Variants in POTEJ observed in about 807,000 individuals in gnomAD.
The protein encoded by POTEJ is POTE ankyrin domain family, member J.
POTEJ carries 11 observed loss-of-function variants against 69.0 expected under a neutral mutation model. The observed-to-expected ratio is 0.16, with a 90% CI of 0.10 to 0.26. POTEJ has a LOEUF of 0.26. Among genes scored for constraint, POTEJ ranks in the 10% least tolerant of loss-of-function variants. The pLI, the probability that POTEJ is intolerant of heterozygous loss-of-function variation, is 1.00. For synonymous variants in POTEJ, 117 were observed against 381.1 expected (o/e 0.31, Z 8.07); for missense variants, 327 against 1,045.5 (o/e 0.31, Z 9.48).
intron 6 of POTEJ, among the ~76,000 whole-genome samples, chr2:130,626,971 A>G (rs1231264585): frequency 6.6e-6 from 1 of 152,180 alleles, no homozygotes; most frequent in Admixed American, 6.5e-5. Flanking sequence ...GGGAATATAA[A>G]GCAGAGGCAG....
intron 9 of POTEJ, among the ~76,000 whole-genome samples, chr2:130,638,371 G>C (rs1345823469): frequency 6.6e-6 from 1 of 150,682 alleles, no homozygotes; most frequent in East Asian, 1.9e-4. Flanking sequence ...TATTATGTCA[G>C]GCTAACGCAA....
chr2:130,631,709 C>A (rs1685907509), intron 8 of POTEJ, among the ~76,000 whole-genome samples: 1 of 141,614 alleles, frequency 7.1e-6, no homozygotes, highest in African/African-American at 2.8e-5. Flanking sequence ...ACTTTAGGAG[C>A]TTTGGACCAA....
chr2:130,639,087 C>G (rs1394841804), intron 10 of POTEJ, among the ~76,000 whole-genome samples: 5 of 152,298 alleles, frequency 3.3e-5, no homozygotes, highest in Admixed American at 1.3e-4. Context: ...ACTGATCTGA[C>G]TGGAGGCAGA....
At chr2:130,633,201 T>C (rs1340416263) in intron 9 of POTEJ, among the ~76,000 whole-genome samples, 1 of 141,140 alleles carries the variant, frequency 7.1e-6, no homozygotes, top group African/African-American at 2.8e-5. Context: ...TCCATCTGTG[T>C]TGCTGCAAAA....
intron 10 of POTEJ, among the ~76,000 whole-genome samples, 155 bp downstream of exon 10, chr2:130,638,844 T>C (rs1686211580): frequency 6.6e-6 from 1 of 152,310 alleles, no homozygotes; most frequent in South Asian, 2.1e-4. Flanking sequence ...TGTGCTACTT[T>C]ATATTATTAT....
At chr2:130,647,070 A>G (rs1473519790) in intron 13 of POTEJ, among the ~76,000 whole-genome samples, 3 of 150,560 alleles carry the variant, frequency 2.0e-5, no homozygotes, top group Non-Finnish European at 4.4e-5. Flanking sequence ...ATTTGGAGCT[A>G]GTCTAATTGC....
At position 130,656,613 on chromosome 2, in the gene POTEJ, T is replaced by C. The variant is rs190167523; in HGVS notation, c.1853T>C (p.Ile618Thr). The C allele has an allele frequency of 2.2e-5, 35 of 1,609,666 alleles. 1 individual carries two copies. The highest frequency in any genetic ancestry group is 4.5e-4 in the Middle Eastern group (2 of 4,434). Residue 618 changes from isoleucine to threonine, a missense_variant, in exon 15 of 15, where the codon ATT becomes ACT. Coordinates refer to ENST00000409602, the MANE Select transcript of POTEJ (RefSeq NM_001277083.2). ...LHENSMLREE[I>T]AMLRLELDTM... ...GAAAATAGTATGTTGCGGGAAGAAA[T>C]TGCCATGCTAAGACTGGAGCTAGAC... is the stretch of plus-strand genomic sequence containing the variant.
At chr2:130,640,906 G>A (rs1686340345) in intron 10 of POTEJ, among the ~76,000 whole-genome samples, 2 of 152,234 alleles carry the variant, frequency 1.3e-5, no homozygotes, top group African/African-American at 2.4e-5. Context: ...GTGCTGCAGG[G>A]GCTCATTGGA....
chr2:130,628,576 AG>A (rs1276036946), intron 6 of POTEJ, among the ~76,000 whole-genome samples: 1 of 114,130 alleles, frequency 8.8e-6, no homozygotes, highest in East Asian at 2.1e-4. Context: ...CAGACGGGAC[AG>A]ACATGTGGAG....
intron 3 of POTEJ, among the ~76,000 whole-genome samples, chr2:130,619,330 T>C (rs1259036781): frequency 6.7e-6 from 1 of 148,796 alleles, no homozygotes; most frequent in African/African-American, 2.5e-5. Context: ...TTTTTGTCAA[T>C]TGACGCTGTA....
At chr2:130,648,783 T>G (rs1295661152) in intron 13 of POTEJ, among the ~76,000 whole-genome samples, 14 of 65,636 alleles carry the variant, frequency 2.1e-4, no homozygotes, top group Non-Finnish European at 3.9e-4. Flanking sequence ...TTCTCATAGT[T>G]TTTTTTTTTT....
intron 13 of POTEJ, among the ~76,000 whole-genome samples, chr2:130,648,818 A>G: frequency 2.1e-5 from 1 of 48,348 alleles, no homozygotes; most frequent in Non-Finnish European, 3.1e-5. Context: ...TTTAAGACAG[A>G]GTCTCGCTTT....
intron 1 of POTEJ, among the ~76,000 whole-genome samples, chr2:130,613,237 TATATATAC>T (rs1368471093): frequency 1.4e-5 from 2 of 138,666 alleles, no homozygotes; most frequent in Non-Finnish European, 3.1e-5. Flanking sequence ...TATATATACA[TATATATAC>T]ATATATATAC....
Position 130,632,701 on chromosome 2 carries a change from A to C in POTEJ, c.1298+45A>C, listed in dbSNP as rs1573981337. 1.2e-5 allele frequency: 8 copies of C among 662,714 alleles called. No individual in the cohort carries two copies. The East Asian group carries it at 1.9e-4, about 16-fold the overall frequency. 41.1% of individuals were successfully genotyped at this position (662,714 alleles called of 1,614,324 possible). On this transcript the variant is annotated intron_variant, in intron 9 of 14. Transcript: ENST00000409602. The stretch of plus-strand genomic sequence containing the variant: ...GAACAGGAGATAACTATGTGCTGTC[A>C]AACTAACCCTAGTTTGGGCTAATAT...
At position 130,627,099 on chromosome 2, in the gene POTEJ, G is replaced by GCC. The variant is rs1573976632; in HGVS notation, c.1016-2850_1016-2849insCC. 2.6e-5 allele frequency among the ~76,000 whole-genome samples: 4 copies of GCC among 152,208 alleles called. No homozygotes were observed. In the East Asian group the frequency reaches 7.7e-4, roughly 29 times the overall value. Reference sequence around the variant, plus strand: ...TTGTACAGTAGTATTTAACCTGGATGTGAGGAAGAAGGAGGAAATTTTCTG... The same window carrying GCC: ...TTGTACAGTAGTATTTAACCTGGATGCCTGAGGAAGAAGGAGGAAATTTTCTG... On this transcript the variant is annotated intron_variant, in intron 6 of 14. Transcript: ENST00000409602.
chr2:130,619,308 AT>A (rs1685471068), intron 3 of POTEJ, among the ~76,000 whole-genome samples: 1 of 150,202 alleles, frequency 6.7e-6, no homozygotes, highest in Non-Finnish European at 1.5e-5. Context: ...ATTGTAGCAA[AT>A]TCTAAACCAT....
intron 10 of POTEJ, among the ~76,000 whole-genome samples, chr2:130,640,931 G>C (rs1159814687): frequency 6.6e-6 from 1 of 152,076 alleles, no homozygotes; most frequent in East Asian, 1.9e-4. Context: ...TTTGAGCAGG[G>C]GAGTCACAAG....
Position 130,629,532 on chromosome 2 carries a change from T to A in POTEJ, c.1016-417T>A, listed in dbSNP as rs1282297127. On this transcript the variant is annotated intron_variant, in intron 6 of 14. Coordinates refer to ENST00000409602, the MANE Select transcript of POTEJ (RefSeq NM_001277083.2). ...TCTGGCTTTTCAGGCAGGGTCACCA[T>A]GACCTTTCCTGGGCCCTGCTTGTTA... is the stretch of plus-strand genomic sequence containing the variant. Among the ~76,000 whole-genome samples the A allele has an allele frequency of 4.6e-4, 66 of 144,978 alleles. 1 individual carries two copies. The highest frequency in any genetic ancestry group is 6.0e-5 in the Non-Finnish European group (4 of 66,426).
intron 9 of POTEJ, among the ~76,000 whole-genome samples, chr2:130,635,205 C>A (rs1025511075): frequency 1.7e-5 from 2 of 120,236 alleles, no homozygotes; most frequent in Non-Finnish European, 3.5e-5. Context: ...TTGACTCTGT[C>A]CCCCAGGCTG....
Sources: gnomAD v4.1 joint callset for allele counts (sites outside exome capture counted in the v4.1 genomes callset) on GRCh38, gnomAD v4.1.1 for gene constraint, MANE v1.5 for transcripts, NCBI Gene and HGNC (gene_info 2026-07-23, HGNC 2026-07-21) for gene names.